The following C3 variants were observed in gnomAD, a reference collection of about 807,000 sequenced individuals.
The protein encoded by C3 is C3 and PZP-like alpha-2-macroglobulin domain-containing protein 1.
A neutral mutation model predicts 207.9 loss-of-function variants in C3; 97 were observed. The observed-to-expected ratio is 0.47, with a 90% confidence interval of 0.40 to 0.55. C3 has a LOEUF of 0.55. Ranked by LOEUF, C3 falls within the 20% of genes least tolerant of loss-of-function variation. The pLI, the probability that C3 is intolerant of heterozygous loss-of-function variation, is 0.00. For synonymous variants in C3, 848 were observed against 857.6 expected (o/e 0.99, Z 0.20); for missense variants, 1,684 against 2,171.7 (o/e 0.78, Z 4.46).
In C3 at chr19:6,711,121, C is replaced by A. The variant is rs778633133; in HGVS notation, c.1345G>T (p.Val449Leu). ...TGCAGGTAATTGTTGGAGTTGCCCA[C>A]GGTGCTGTAGGGCAGAGCCTGCATG... ...RTMQALPYSTVGNSNNYLHLS... is the reference protein window; with the variant it reads ...RTMQALPYSTLGNSNNYLHLS... The change falls in exon 12 of 41, where the codon GTG (valine) becomes TTG (leucine). Residue 449 changes from valine (V) to leucine (L), a missense_variant. Transcript: ENST00000245907. The A allele has an allele frequency of 5.0e-6, 8 of 1,613,972 alleles. No homozygotes were observed. The highest frequency in any genetic ancestry group is 1.6e-4 in the Middle Eastern group (1 of 6,062).
In C3 at chr19:6,709,944, G is replaced by T. The variant is rs938597153; in HGVS notation, c.1687-102C>A. The T allele has an allele frequency of 1.5e-5, 16 of 1,065,852 alleles. No homozygotes were observed. In the African/African-American group the frequency reaches 2.2e-4, roughly 15 times the overall value. The allele number at this position is 1,065,852 out of a possible 1,614,324, so 66.0% of individuals were successfully genotyped here. A position where few individuals can be genotyped will look rare whatever the true frequency, so the allele number is the denominator to read the frequency against. On this transcript the variant is annotated intron_variant, in intron 13 of 40. Transcript: ENST00000245907. ...TAGAGTGGAAAGACAGAAAGGTTGGGGGGAGCCGTGGGGCTGGGGAGGGGG... is the reference window on the plus strand; with the variant it reads ...TAGAGTGGAAAGACAGAAAGGTTGGTGGGAGCCGTGGGGCTGGGGAGGGGG...
rs57940862 is a variant in C3 at position 6,691,989 on chromosome 19, AACACACACACACACACACAC to A, written c.3390+915_3390+934del. 7.8e-3 allele frequency among the ~76,000 whole-genome samples: 1,068 copies of A among 136,934 alleles called. 15 individuals carry two copies. The highest frequency in any genetic ancestry group is 0.04 in the East Asian group (185 of 4,584). 89.8% of individuals were successfully genotyped at this position (136,934 alleles called of 152,430 possible). A position where few individuals can be genotyped will look rare whatever the true frequency, so the allele number is the denominator to read the frequency against. On this transcript the variant is annotated intron_variant, in intron 26 of 40. Transcript: ENST00000245907. ...GTGACAAGAGCAAAACTCCATCTCA[AACACACACACACACACACAC>A]ACACACACACACACACACACACACA... is the stretch of plus-strand genomic sequence containing the variant.
rs746483454 is a variant in C3, at chr19:6,693,385, T to C, written c.3230+27A>G. 3.1e-6 allele frequency: 5 copies of C among 1,595,250 alleles called. No individual in the cohort carries two copies. In the South Asian group the frequency reaches 4.5e-5, roughly 14 times the overall value. ...GGGGGTTGAGGGTGGGGAGTATGCATGGCCTGAGCTGGCTGTTGGGACTCA... is the reference window on the plus strand; with the variant it reads ...GGGGGTTGAGGGTGGGGAGTATGCACGGCCTGAGCTGGCTGTTGGGACTCA... On this transcript the variant is annotated intron_variant, in intron 25 of 40. Transcript: ENST00000245907.
In C3 at chr19:6,684,801, C is replaced by T. The variant is rs761813967; in HGVS notation, c.4003G>A (p.Glu1335Lys). The change falls in exon 31 of 41, where the codon GAA (glutamate) becomes AAA (lysine). Residue 1335 changes from glutamate to lysine, a missense_variant. Glu to Lys is a moderately conservative substitution (Grantham distance 56). Coordinates refer to ENST00000245907, the MANE Select transcript of C3 (RefSeq NM_000064.4). The part of the protein sequence containing the change: ...KENEGFTVTA[E>K]GKGQGTLSVV... ...GACAAGGTGCCTTGGCCTTTTCCTT[C>T]AGCTGTGACTGTGAAACCCTCATTT... is the stretch of plus-strand genomic sequence containing the variant. 5 of 1,614,092 alleles carry T rather than the reference C, an allele frequency of 3.1e-6. No homozygotes were observed. In the African/African-American group the frequency reaches 5.3e-5, roughly 17 times the overall value.
chr19:6,706,956 C>T lies in C3; in HGVS notation c.2245+120G>A, dbSNP rs35405724. On this transcript the variant is annotated intron_variant, in intron 17 of 40. Transcript: ENST00000245907. The stretch of plus-strand genomic sequence containing the variant: ...CCCTCAGACAGGGGCCTCCTCCCCC[C>T]TCAGACAGCGGCCTCCTCCAGCCCC... 3,603 of 724,962 alleles carry T rather than the reference C, an allele frequency of 5.0e-3. 200 individuals are homozygous for T. In the African/African-American group the frequency reaches 0.07, roughly 14 times the overall value. The allele number at this position is 724,962 out of a possible 1,614,324, so 44.9% of individuals were successfully genotyped here.
Position 6,713,324 on chromosome 19 carries a change from G to A in C3, c.877-9C>T, listed in dbSNP as rs757284972. The A allele has an allele frequency of 1.2e-6, 2 of 1,613,906 alleles. No individual in the cohort carries two copies. Among genetic ancestry groups the A allele is most frequent in the South Asian group, 2.2e-5 (2 of 91,080 alleles). On this transcript the variant is annotated splice_polypyrimidine_tract_variant and intron_variant, in intron 8 of 40. Coordinates refer to ENST00000245907, the MANE Select transcript of C3 (RefSeq NM_000064.4). ...CCCGAGCCATCCTCAATCTGAGAAG[G>A]GAGAGGAGGGCTCAGAGAGGGGAGC...
At chr19:6,714,667 G>A (rs1967995223) in intron 4 of C3, among the ~76,000 whole-genome samples, 1 of 152,186 alleles carries the variant, frequency 6.6e-6, no homozygotes, top group Admixed American at 6.5e-5. Context: ...TTCAAGACCA[G>A]CCTGGCCAAC....
At chr19:6,693,685 G>A (rs1170811459) in intron 24 of C3, among the ~76,000 whole-genome samples, 198 bp from the exon 25 acceptor site, 1 of 142,330 alleles carries the variant, frequency 7.0e-6, no homozygotes, top group African/African-American at 2.6e-5. Context: ...TTCTCAAGAG[G>A]ACAAGGGATT....
intron 21 of C3, among the ~76,000 whole-genome samples, chr19:6,696,974 G>A (rs991171495): frequency 1.3e-5 from 2 of 150,372 alleles, no homozygotes; most frequent in Non-Finnish European, 3.0e-5. Flanking sequence ...CCCGGGAGGC[G>A]GATATTGCAG....
chr19:6,690,856 C>A, intron 26 of C3, 129 bp from the exon 27 acceptor site: 4 of 728,986 alleles, frequency 5.5e-6, no homozygotes, highest in Admixed American at 4.1e-5. Flanking sequence ...TACCCCGCTA[C>A]CCTAGGAAGG....
At chr19:6,712,059 C>T (rs1278801024) in intron 11 of C3, among the ~76,000 whole-genome samples, 198 bp downstream of exon 11, 1 of 152,090 alleles carries the variant, frequency 6.6e-6, no homozygotes, top group South Asian at 2.1e-4. Flanking sequence ...AATGGCAGGA[C>T]CCCACTGTGC....
chr19:6,705,122 A>G (rs1032886109), intron 17 of C3, among the ~76,000 whole-genome samples: 2 of 152,122 alleles, frequency 1.3e-5, no homozygotes, highest in African/African-American at 4.8e-5. Context: ...GGATAGTAAC[A>G]TTTAGCCATT....
In C3 at chr19:6,718,917, A is replaced by G. The variant is rs75880055; in HGVS notation, c.267+294T>C. 0.17 allele frequency among the ~76,000 whole-genome samples: 16,023 copies of G among 96,600 alleles called. 1,599 individuals are homozygous for G. The highest frequency in any genetic ancestry group is 0.29 in the Middle Eastern group (42 of 144). 63.4% of individuals were successfully genotyped at this position (96,600 alleles called of 152,430 possible). A position where few individuals can be genotyped will look rare whatever the true frequency, so the allele number is the denominator to read the frequency against. ...GAAGGGAGGGACTCAGAAGGGGAGG[A>G]GTCTCAGAAGGGGTGGGGTCTCAGG... is the stretch of plus-strand genomic sequence containing the variant. On this transcript the variant is annotated intron_variant, in intron 2 of 40. Coordinates refer to ENST00000245907, the MANE Select transcript of C3 (RefSeq NM_000064.4).
In C3 at chr19:6,712,495, C is replaced by T. The variant is rs759302631; in HGVS notation, c.1119+13G>A. On this transcript the variant is annotated intron_variant, in intron 10 of 40. Coordinates refer to ENST00000245907, the MANE Select transcript of C3 (RefSeq NM_000064.4). ...AAGGGAGGAGTGGGACCCCTTCCCG[C>T]CCCGGGTCTCACCATGAGGTCAAAG... The T allele has an allele frequency of 5.6e-6, 9 of 1,613,850 alleles. No homozygotes were observed. The South Asian group carries it at 9.9e-5, about 18-fold the overall frequency.
At chr19:6,679,850 A>C (rs1471123101) in intron 36 of C3, among the ~76,000 whole-genome samples, 1 of 152,108 alleles carries the variant, frequency 6.6e-6, no homozygotes, top group African/African-American at 2.4e-5. Context: ...TGAACCCATC[A>C]GACCCCCAAG....
intron 4 of C3, chr19:6,717,564 GTTGTGTT>G (rs1968058851): frequency 4.0e-6 from 1 of 253,158 alleles, no homozygotes; most frequent in Non-Finnish European, 7.8e-6. Flanking sequence ...TTGTGTGTGT[GTTGTGTT>G]TTGTGTGTGT....
intron 27 of C3, among the ~76,000 whole-genome samples, chr19:6,688,830 G>A (rs1401632891): frequency 6.6e-6 from 1 of 151,942 alleles, no homozygotes; most frequent in Non-Finnish European, 1.5e-5. Flanking sequence ...GGCCACAGTG[G>A]AAACAGCCAT....
intron 38 of C3, among the ~76,000 whole-genome samples, chr19:6,678,884 C>T (rs1196905672): frequency 6.6e-6 from 1 of 152,170 alleles, no homozygotes; most frequent in Admixed American, 6.5e-5. Flanking sequence ...TACAACCTCA[C>T]AGCCACCCAC....
chr19:6,706,899 C>T (rs1324828450), intron 17 of C3, among the ~76,000 whole-genome samples, 177 bp downstream of exon 17: 7 of 143,584 alleles, frequency 4.9e-5, no homozygotes. Flanking sequence ...CAGACAGGGG[C>T]CTCCTCCCCC....
Sources: allele counts gnomAD v4.1 joint callset (sites outside exome capture counted in the v4.1 genomes callset), GRCh38; gene constraint gnomAD v4.1.1; transcripts MANE v1.5; gene names NCBI Gene and HGNC (gene_info 2026-07-23, HGNC 2026-07-21).